Variants in MDFIC observed in about 807,000 individuals in gnomAD.
The protein encoded by MDFIC is myoD family inhibitor domain-containing protein.
Under a neutral mutation model 23.2 loss-of-function variants are expected in MDFIC, and 17 were observed. The observed-to-expected ratio is 0.73, with a 90% confidence interval of 0.50 to 1.10. MDFIC has a LOEUF of 1.10. Among genes scored for constraint, MDFIC ranks in the 50% least tolerant of loss-of-function variants. MDFIC has a pLI of 0.00. For synonymous variants in MDFIC, 120 were observed against 115.2 expected, an observed-to-expected ratio of 1.04 and a Z score of -0.27; for missense variants, 356 against 316.6, an observed-to-expected ratio of 1.12 and a Z score of -0.95.
At position 114,992,464 on chromosome 7, in the gene MDFIC, C is replaced by G. The variant is rs1273815436; in HGVS notation, c.493+12683C>G. 2.6e-5 allele frequency among the ~76,000 whole-genome samples: 4 copies of G among 152,140 alleles called. No individual in the cohort carries two copies. The East Asian group carries it at 5.8e-4, about 22-fold the overall frequency. The stretch of plus-strand genomic sequence containing the variant: ...GGAATGCTTCCAGTTTTTGCCCATT[C>G]AGTATGATATTGGCTGTGGGTTTGT... On this transcript the variant is annotated intron_variant, in intron 4 of 4. Coordinates refer to ENST00000393486, the MANE Select transcript of MDFIC (RefSeq NM_001166345.3).
chr7:114,931,402 G>A (rs948125089), intron 2 of MDFIC, among the ~76,000 whole-genome samples: 2 of 152,098 alleles, frequency 1.3e-5, no homozygotes, highest in Non-Finnish European at 2.9e-5. Context: ...GTAGTTTCAG[G>A]AATAAAGTCT....
Position 114,922,955 on chromosome 7 carries a change from T to C in MDFIC, c.-79T>C, listed in dbSNP as rs756649642. On this transcript the variant is annotated 5_prime_UTR_variant, in exon 2 of 5. Coordinates refer to ENST00000393486, the MANE Select transcript of MDFIC (RefSeq NM_001166345.3). ...CAGTCAGTTCCCTGCACCCAGCACCTCACAGCCCTTCCTCCGTGCGCCCTG... is the reference window on the plus strand; with the variant it reads ...CAGTCAGTTCCCTGCACCCAGCACCCCACAGCCCTTCCTCCGTGCGCCCTG... The C allele has an allele frequency of 3.2e-6, 5 of 1,578,724 alleles. No homozygotes were observed. In the South Asian group the frequency reaches 4.5e-5, roughly 14 times the overall value.
intron 4 of MDFIC, among the ~76,000 whole-genome samples, chr7:114,991,185 G>T (rs1409138561): frequency 1.3e-5 from 2 of 151,972 alleles, no homozygotes; most frequent in Admixed American, 6.6e-5. Flanking sequence ...CGCCCACTTT[G>T]TGATGGGGTT....
intron 4 of MDFIC, among the ~76,000 whole-genome samples, chr7:115,004,738 T>C (rs1013002629): frequency 3.3e-5 from 5 of 152,312 alleles, no homozygotes; most frequent in African/African-American, 9.6e-5. Flanking sequence ...ATTTTTTTTT[T>C]CCACTTCCTA....
intron 3 of MDFIC, among the ~76,000 whole-genome samples, chr7:114,955,799 A>G (rs2594457): frequency 0.96 from 146,886 of 152,306 alleles, 71,051 homozygotes; most frequent in East Asian, 1. Context: ...GCATATTAAA[A>G]GATGTTTTTA....
chr7:115,013,999 T>C (rs1352015896), intron 4 of MDFIC: 61 of 985,394 alleles, frequency 6.2e-5, no homozygotes, highest in Non-Finnish European at 7.0e-5. Flanking sequence ...GACCATCATA[T>C]GTAAAAGTGG....
chr7:114,961,767 A>G (rs766135861), intron 3 of MDFIC, among the ~76,000 whole-genome samples: 2 of 152,116 alleles, frequency 1.3e-5, no homozygotes, highest in Admixed American at 6.5e-5. Flanking sequence ...AGAACTCACT[A>G]TCATGAGAAT....
At chr7:115,008,652 C>T (rs762676953) in intron 4 of MDFIC, among the ~76,000 whole-genome samples, 22 of 152,044 alleles carry the variant, frequency 1.4e-4, no homozygotes, top group Admixed American at 3.9e-4. Flanking sequence ...GCTGAGCTAC[C>T]GTGTGGTATT....
chr7:114,982,366 T>G (rs1793432665), intron 4 of MDFIC, among the ~76,000 whole-genome samples: 1 of 152,156 alleles, frequency 6.6e-6, no homozygotes, highest in African/African-American at 2.4e-5. Flanking sequence ...GCTAGGTGTC[T>G]TAGTCTATTT....
chr7:114,948,285 A>G (rs1055798782), intron 3 of MDFIC, among the ~76,000 whole-genome samples: 3 of 152,170 alleles, frequency 2.0e-5, no homozygotes, highest in Admixed American at 2.0e-4. Context: ...TGAAGTATGT[A>G]TAGATGACTT....
chr7:115,001,201 G>T (rs1249675372), intron 4 of MDFIC, among the ~76,000 whole-genome samples: 1 of 152,166 alleles, frequency 6.6e-6, no homozygotes, highest in East Asian at 1.9e-4. Context: ...ATAAATAGTA[G>T]TTGTCTCTTA....
At chr7:115,004,728 A>AT (rs908857731) in intron 4 of MDFIC, among the ~76,000 whole-genome samples, 46 of 149,656 alleles carry the variant, frequency 3.1e-4, no homozygotes, top group South Asian at 1.1e-3. Flanking sequence ...TATTTATTCC[A>AT]TTTTTTTTTT....
At chr7:114,995,058 T>C (rs925470046) in intron 4 of MDFIC, among the ~76,000 whole-genome samples, 1 of 152,196 alleles carries the variant, frequency 6.6e-6, no homozygotes, top group African/African-American at 2.4e-5. Context: ...TTTTACTCTA[T>C]TTTCTCTAAA....
chr7:114,944,369 G>A (rs954172942), intron 3 of MDFIC, among the ~76,000 whole-genome samples: 1 of 152,146 alleles, frequency 6.6e-6, no homozygotes, highest in African/African-American at 2.4e-5. Flanking sequence ...ATTTGTGGGT[G>A]AAATCTGACT....
intron 4 of MDFIC, among the ~76,000 whole-genome samples, chr7:114,984,718 G>A (rs12111662): frequency 0.46 from 69,914 of 151,954 alleles, 16,442 homozygotes; most frequent in African/African-American, 0.54. Context: ...ATCATATAAT[G>A]TTCAAATTGC....
At chr7:114,962,961 G>A (rs1793024566) in intron 3 of MDFIC, among the ~76,000 whole-genome samples, 1 of 152,284 alleles carries the variant, frequency 6.6e-6, no homozygotes, top group African/African-American at 2.4e-5. Context: ...GAATGTATGT[G>A]TTTCTTTCTT....
intron 3 of MDFIC, among the ~76,000 whole-genome samples, chr7:114,954,664 G>A (rs1563141358): frequency 6.6e-6 from 1 of 152,080 alleles, no homozygotes; most frequent in Non-Finnish European, 1.5e-5. Flanking sequence ...CTCATTACTG[G>A]GTCATTGTAG....
At chr7:114,974,490 A>G (rs544367177) in intron 3 of MDFIC, among the ~76,000 whole-genome samples, 7 of 152,178 alleles carry the variant, frequency 4.6e-5, no homozygotes, top group Admixed American at 1.3e-4. Context: ...CATCCTGAGC[A>G]TTTAATTTTG....
intron 4 of MDFIC, among the ~76,000 whole-genome samples, chr7:114,998,779 A>T (rs1791398242): frequency 6.6e-6 from 1 of 152,144 alleles, no homozygotes; most frequent in Non-Finnish European, 1.5e-5. Context: ...GGCTGAATTG[A>T]CACCAAAATG....
Sources: allele counts gnomAD v4.1 joint callset (sites outside exome capture counted in the v4.1 genomes callset), GRCh38; gene constraint gnomAD v4.1.1; transcripts MANE v1.5; gene names NCBI Gene and HGNC (gene_info 2026-07-23, HGNC 2026-07-21).